REPS2: variants seen among roughly 807,000 people sequenced by gnomAD.
The protein encoded by REPS2 is RALBP1 associated Eps domain containing 2.
In REPS2, 23 loss-of-function variants were observed where a neutral mutation model predicts 53.6. That is an observed-to-expected ratio of 0.43 (90% confidence interval 0.31 to 0.61). The LOEUF is 0.61. REPS2 is among the 20% of genes least tolerant of loss of function. The probability of loss-of-function intolerance (pLI) is 0.11; values close to 1 mark genes in which losing one functional copy is unlikely to be tolerated. For missense variants in REPS2, 446 were observed against 534.9 expected (o/e 0.83, Z 1.64); for synonymous variants, 238 against 218.6 (o/e 1.09, Z -0.78).
chrX:17,054,409 G>T (rs2062040022), intron 7 of REPS2, among the ~76,000 whole-genome samples: 1 of 112,014 alleles, frequency 8.9e-6, no homozygotes, highest in Non-Finnish European at 1.9e-5. Flanking sequence ...CTATAAAATG[G>T]CTGGGGCCAC....
intron 2 of REPS2, among the ~76,000 whole-genome samples, chrX:17,019,345 C>T (rs1569129579): frequency 8.9e-6 from 1 of 111,946 alleles, no homozygotes; most frequent in Admixed American, 9.5e-5. Context: ...CTCCTCAGAC[C>T]CTCTAAACAT....
At chrX:16,990,993 C>T (rs2061156117) in intron 1 of REPS2, among the ~76,000 whole-genome samples, 1 of 110,783 alleles carries the variant, frequency 9.0e-6, no homozygotes, top group African/African-American at 3.3e-5. Context: ...AATGGAGCCA[C>T]GTGGGTCCAT....
chrX:17,090,186 A>T (rs1180825549), intron 13 of REPS2, among the ~76,000 whole-genome samples: 1 of 111,931 alleles, frequency 8.9e-6, no homozygotes, highest in African/African-American at 3.3e-5. Flanking sequence ...ATTTGATGAG[A>T]TATTGTGTTA....
At chrX:17,042,775 CT>C (rs2061849384) in intron 5 of REPS2, among the ~76,000 whole-genome samples, 1 of 111,180 alleles carries the variant, frequency 9.0e-6, no homozygotes, top group Admixed American at 9.6e-5. Context: ...AACTGTGGTA[CT>C]TACCATGACT....
At position 16,993,306 on chromosome X, in the gene REPS2, A is replaced by G. The variant is rs188175215; in HGVS notation, c.274-12915A>G. On this transcript the variant is annotated intron_variant, in intron 1 of 17. Transcript: ENST00000357277. ...TGTGCTCTTTATCAAACAGTAAGGT[A>G]TGGTATATTGCAAAATGCTCACAAT... is the stretch of plus-strand genomic sequence containing the variant. 3.5e-3 allele frequency among the ~76,000 whole-genome samples: 390 copies of G among 112,160 alleles called. 1 individual carries two copies. The highest frequency in any genetic ancestry group is 0.012 in the African/African-American group (375 of 30,881).
intron 6 of REPS2, among the ~76,000 whole-genome samples, chrX:17,049,553 A>G (rs1306165418): frequency 8.9e-6 from 1 of 112,395 alleles, no homozygotes; most frequent in Non-Finnish European, 1.9e-5. Context: ...GAATAAAGAT[A>G]TAAAGAAAGA....
At chrX:17,030,021 A>T (rs2061687918) in intron 5 of REPS2, among the ~76,000 whole-genome samples, 1 of 112,120 alleles carries the variant, frequency 8.9e-6, no homozygotes, top group East Asian at 2.8e-4. Flanking sequence ...TTGTGCCTCT[A>T]ATTACATGGT....
chrX:17,110,899 A>G (rs2062960791), intron 14 of REPS2, among the ~76,000 whole-genome samples: 1 of 110,742 alleles, frequency 9.0e-6, no homozygotes, highest in Non-Finnish European at 1.9e-5. Context: ...CTGTAATCCC[A>G]GCTACTCGGG....
At position 17,063,506 on chromosome X, in the gene REPS2, C is replaced by T. The variant is rs148891753; in HGVS notation, c.1209+974C>T. Among the ~76,000 whole-genome samples the T allele has an allele frequency of 5.9e-3, 656 of 112,064 alleles. 3 individuals are homozygous for T. The highest frequency in any genetic ancestry group is 0.02 in the African/African-American group (616 of 30,850). On this transcript the variant is annotated intron_variant, in intron 9 of 17. Transcript: ENST00000357277. ...TCAAGCCTGCCTTTCCAGTGCCCCT[C>T]TGACTAACATCTCTCTGCCATTTTG... is the stretch of plus-strand genomic sequence containing the variant.
chrX:17,178,112 G>A, the REPS2 span, among the ~76,000 whole-genome samples: 2 of 112,107 alleles, frequency 1.8e-5, no homozygotes, highest in African/African-American at 3.2e-5. Context: ...GGAAGGCCAT[G>A]GTTTATGTTT....
chrX:17,085,722 A>ATCATCTATATG (rs2062524742), intron 13 of REPS2, among the ~76,000 whole-genome samples: 1 of 111,422 alleles, frequency 9.0e-6, no homozygotes, highest in African/African-American at 3.3e-5. Context: ...TCTGTTAAAA[A>ATCATCTATATG]CCGTATTATG....
chrX:16,979,008 C>A (rs1000425773), intron 1 of REPS2, among the ~76,000 whole-genome samples: 1 of 111,895 alleles, frequency 8.9e-6, no homozygotes, highest in Non-Finnish European at 1.9e-5. Context: ...AATGAATGAT[C>A]CATTTTTAAT....
At chrX:17,054,599 T>C (rs2062041919) in intron 7 of REPS2, among the ~76,000 whole-genome samples, 1 of 112,073 alleles carries the variant, frequency 8.9e-6, no homozygotes, top group Non-Finnish European at 1.9e-5. Flanking sequence ...AAATTTTTAT[T>C]TATAAAATGC....
chrX:16,973,471 G>C (rs944510732), intron 1 of REPS2, among the ~76,000 whole-genome samples: 4 of 111,788 alleles, frequency 3.6e-5, no homozygotes, highest in Non-Finnish European at 5.6e-5. Flanking sequence ...CCTACAAGAA[G>C]CAAAGATCAA....
At chrX:17,132,493 A>G (rs963795758) in intron 14 of REPS2, among the ~76,000 whole-genome samples, 2 of 112,630 alleles carry the variant, frequency 1.8e-5, no homozygotes, top group Non-Finnish European at 3.8e-5. Flanking sequence ...ACTAGAAGGG[A>G]AAGGTGTTTT....
At chrX:17,125,284 C>T (rs932786838) in intron 14 of REPS2, among the ~76,000 whole-genome samples, 1 of 111,299 alleles carries the variant, frequency 9.0e-6, no homozygotes, top group Non-Finnish European at 1.9e-5. Flanking sequence ...TACCCCCATT[C>T]CCTCTATGAT....
At chrX:17,161,242 G>A in the REPS2 span, among the ~76,000 whole-genome samples, 1 of 111,643 alleles carries the variant, frequency 9.0e-6, no homozygotes, top group African/African-American at 3.2e-5. Flanking sequence ...CTACTCCTGT[G>A]GTTATAGTAT....
At chrX:17,067,901 G>A (rs1028390775) in intron 9 of REPS2, among the ~76,000 whole-genome samples, 4 of 111,797 alleles carry the variant, frequency 3.6e-5, no homozygotes, top group Middle Eastern at 4.2e-3. Context: ...TTTTTCCTCT[G>A]TGTATGTAAA....
chrX:17,061,410 C>T (rs1193456580), intron 8 of REPS2, among the ~76,000 whole-genome samples: 1 of 112,053 alleles, frequency 8.9e-6, no homozygotes, highest in Non-Finnish European at 1.9e-5. Flanking sequence ...AAAGTGCTGT[C>T]ATTACAGGTG....
Sources: gnomAD v4.1 joint callset for allele counts (sites outside exome capture counted in the v4.1 genomes callset) on GRCh38, gnomAD v4.1.1 for gene constraint, MANE v1.5 for transcripts, NCBI Gene and HGNC (gene_info 2026-07-23, HGNC 2026-07-21) for gene names.